XKR4: variants seen among roughly 807,000 people sequenced by gnomAD.
The protein encoded by XKR4 is XK-related protein 4.
Under a neutral mutation model 53.9 loss-of-function variants are expected in XKR4, and 12 were observed. That is an observed-to-expected ratio of 0.22 (90% CI 0.14 to 0.36). XKR4 has a LOEUF of 0.36. XKR4 is among the 10% of genes least tolerant of loss of function. XKR4 has a pLI of 1.00. For missense variants in XKR4, 799 were observed against 859.5 expected, an observed-to-expected ratio of 0.93 and a Z score of 0.88; for synonymous variants, 354 against 362.4, an observed-to-expected ratio of 0.98 and a Z score of 0.26.
At chr8:55,139,645 A>G (rs1001369113) in intron 1 of XKR4, among the ~76,000 whole-genome samples, 3 of 151,020 alleles carry the variant, frequency 2.0e-5, no homozygotes, top group African/African-American at 7.3e-5. Flanking sequence ...AAAAGCAGAC[A>G]TGTAATGTTA....
chr8:55,290,304 A>G (rs1819001712), intron 1 of XKR4, among the ~76,000 whole-genome samples: 1 of 151,616 alleles, frequency 6.6e-6, no homozygotes, highest in South Asian at 2.1e-4. Context: ...TAATTTTTGT[A>G]TTTTTAGTAG....
At chr8:55,341,930 G>T (rs1803554233) in intron 1 of XKR4, among the ~76,000 whole-genome samples, 1 of 151,986 alleles carries the variant, frequency 6.6e-6, no homozygotes, top group Non-Finnish European at 1.5e-5. Flanking sequence ...GTAAGTGAGG[G>T]CAGTCTCATC....
intron 1 of XKR4, among the ~76,000 whole-genome samples, chr8:55,217,147 C>T (rs1008108238): frequency 1.3e-5 from 2 of 148,198 alleles, no homozygotes; most frequent in African/African-American, 5.0e-5. Flanking sequence ...GAGGCTGAGC[C>T]AGGAGAATGG....
intron 1 of XKR4, among the ~76,000 whole-genome samples, chr8:55,284,496 G>C (rs1818881064): frequency 1.3e-5 from 2 of 152,088 alleles, no homozygotes; most frequent in African/African-American, 4.8e-5. Flanking sequence ...CTGACAAAAA[G>C]CCTGGGTTCC....
intron 1 of XKR4, among the ~76,000 whole-genome samples, chr8:55,346,644 A>G (rs930465094): frequency 6.6e-6 from 1 of 151,550 alleles, no homozygotes; most frequent in African/African-American, 2.4e-5. Context: ...CAAGTCATAC[A>G]ATTTTCTTAA....
intron 2 of XKR4, among the ~76,000 whole-genome samples, chr8:55,482,515 G>A (rs1253757044): frequency 6.6e-6 from 1 of 151,910 alleles, no homozygotes; most frequent in Non-Finnish European, 1.5e-5. Flanking sequence ...CCTGCACATT[G>A]TGCACATGTA....
chr8:55,528,340 T>A lies in XKR4; in HGVS notation c.*4113T>A, dbSNP rs1806904713. The A allele has an allele frequency of 6.6e-6, 1 of 152,212 alleles. No homozygotes were observed. The highest frequency in any genetic ancestry group is 1.5e-5 in the Non-Finnish European group (1 of 68,036). 9.4% of individuals were successfully genotyped at this position (152,212 alleles called of 1,614,324 possible). ...TCAAAGTTTCTTTCTCTGAACAGAT[T>A]GAATTGAGCAAAGAGAACCTCTTCT... is the stretch of plus-strand genomic sequence containing the variant. On this transcript the variant is annotated 3_prime_UTR_variant, in exon 3 of 3. Coordinates refer to ENST00000327381, the MANE Select transcript of XKR4 (RefSeq NM_052898.2).
At chr8:55,252,416 G>A (rs1358170458) in intron 1 of XKR4, among the ~76,000 whole-genome samples, 1 of 152,146 alleles carries the variant, frequency 6.6e-6, no homozygotes, top group African/African-American at 2.4e-5. Context: ...TTGTTTTATT[G>A]TGTATTTTGA....
chr8:55,172,812 G>T (rs970165869), intron 1 of XKR4, among the ~76,000 whole-genome samples: 2 of 152,152 alleles, frequency 1.3e-5, no homozygotes, highest in African/African-American at 4.8e-5. Context: ...TTTTGTTAGG[G>T]TATCAGTGAT....
intron 2 of XKR4, among the ~76,000 whole-genome samples, chr8:55,414,317 C>A (rs896724604): frequency 6.6e-6 from 1 of 152,070 alleles, no homozygotes; most frequent in African/African-American, 2.4e-5. Context: ...TTGCTTCTTG[C>A]AAGGCGCATT....
intron 2 of XKR4, among the ~76,000 whole-genome samples, chr8:55,468,305 T>C (rs1264853687): frequency 6.6e-6 from 1 of 152,148 alleles, no homozygotes. Flanking sequence ...TCAACTTCAA[T>C]TATTTTTTTC....
chr8:55,232,957 A>G (rs754947642), intron 1 of XKR4, among the ~76,000 whole-genome samples: 12 of 152,082 alleles, frequency 7.9e-5, no homozygotes, highest in Non-Finnish European at 1.6e-4. Flanking sequence ...CTCCTTTGCA[A>G]GCTATGTTAA....
chr8:55,183,751 T>G (rs1270773947), intron 1 of XKR4, among the ~76,000 whole-genome samples: 1 of 152,180 alleles, frequency 6.6e-6, no homozygotes, highest in Non-Finnish European at 1.5e-5. Context: ...TAGATCAAAT[T>G]GGCAGTTAGT....
At chr8:55,388,112 T>G (rs1247515045) in intron 2 of XKR4, among the ~76,000 whole-genome samples, 4 of 152,224 alleles carry the variant, frequency 2.6e-5, no homozygotes, top group African/African-American at 9.6e-5. Context: ...CTCCTAACTC[T>G]GCCATTTAGG....
chr8:55,499,580 G>A (rs1489501093), intron 2 of XKR4, among the ~76,000 whole-genome samples: 1 of 152,220 alleles, frequency 6.6e-6, no homozygotes, highest in Non-Finnish European at 1.5e-5. Flanking sequence ...GAGAGAACTT[G>A]TTCTCCTCAC....
intron 1 of XKR4, among the ~76,000 whole-genome samples, chr8:55,145,095 G>T (rs1287041350): frequency 6.6e-6 from 1 of 152,120 alleles, no homozygotes; most frequent in Admixed American, 6.5e-5. Flanking sequence ...GGCTCTCAAA[G>T]TGCTGGGATT....
intron 2 of XKR4, among the ~76,000 whole-genome samples, chr8:55,368,354 A>C (rs2129385702): frequency 6.6e-6 from 1 of 152,304 alleles, no homozygotes; most frequent in Non-Finnish European, 1.5e-5. Context: ...GCATGTGACA[A>C]GGCCCCTGCT....
At chr8:55,126,570 G>C (rs1401604204) in intron 1 of XKR4, among the ~76,000 whole-genome samples, 1 of 152,208 alleles carries the variant, frequency 6.6e-6, no homozygotes, top group Non-Finnish European at 1.5e-5. Flanking sequence ...GGCAGTCATA[G>C]GGTAGAGGTG....
chr8:55,102,608 G>A lies in XKR4; in HGVS notation c.120G>A (p.Ser40=). ...AGGGATTGGCTCCAGGCTTGCCGTC[G>A]GGGTCGGGAGCCGAGGACGAGGAGG... ...SVQGLAPGLP[S]GSGAEDEEAA... Residue 40 remains serine, a synonymous_variant, in exon 1 of 3, where the codon TCG becomes TCA. Transcript: ENST00000327381. This position sits in a 1 kb window ranked among gnomAD's most constrained non-coding sequence, Gnocchi z 5.1. The A allele has an allele frequency of 2.7e-6, 4 of 1,462,322 alleles. No individual in the cohort carries two copies. The highest frequency in any genetic ancestry group is 3.6e-6 in the Non-Finnish European group (4 of 1,096,334). 90.6% of individuals were successfully genotyped at this position (1,462,322 alleles called of 1,614,324 possible).
Sources: allele counts gnomAD v4.1 joint callset (sites outside exome capture counted in the v4.1 genomes callset), GRCh38; gene constraint gnomAD v4.1.1; non-coding constraint Gnocchi (gnomAD v3.1); transcripts MANE v1.5; gene names NCBI Gene and HGNC (gene_info 2026-07-23, HGNC 2026-07-21).